Variants in TRAT1 observed in about 807,000 individuals in gnomAD.
The protein encoded by TRAT1 is T cell receptor associated transmembrane adaptor 1, also known as T-cell receptor-associated transmembrane adapter 1.
TRAT1 carries 20 observed loss-of-function variants against 20.0 expected under a neutral mutation model. That is an observed-to-expected ratio of 1.00 (90% CI 0.70 to 1.45). The LOEUF is 1.45. Ranked by LOEUF, TRAT1 falls within the 40% of genes most tolerant of loss-of-function variation. The pLI is 0.00. For synonymous variants in TRAT1, 77 were observed against 74.2 expected (o/e 1.04, Z -0.20); for missense variants, 237 against 224.1 (o/e 1.06, Z -0.37).
Position 108,841,754 on chromosome 3 carries a change from A to C in TRAT1, c.152+2787A>C, listed in dbSNP as rs1945898622. Among the ~76,000 whole-genome samples the C allele has an allele frequency of 2.6e-5, 4 of 152,168 alleles. 1 individual carries two copies. In the South Asian group the frequency reaches 8.3e-4, roughly 32 times the overall value. ...TAAGGAAACCATAGCACCTAAATCA[A>C]GCAGAAAATCAAATACACACTTTCT... is the stretch of plus-strand genomic sequence containing the variant. On this transcript the variant is annotated intron_variant, in intron 3 of 5. Coordinates refer to ENST00000295756, the MANE Select transcript of TRAT1 (RefSeq NM_016388.4).
intron 2 of TRAT1, among the ~76,000 whole-genome samples, chr3:108,835,945 A>T (rs1201224806): frequency 6.6e-6 from 1 of 150,812 alleles, no homozygotes; most frequent in African/African-American, 2.4e-5. Context: ...TTTTTGAGAA[A>T]GTCTTGCTCT....
intron 1 of TRAT1, among the ~76,000 whole-genome samples, chr3:108,823,663 A>G (rs1325654421): frequency 6.6e-6 from 1 of 152,158 alleles, no homozygotes; most frequent in Non-Finnish European, 1.5e-5. Flanking sequence ...TTTCCTTTCA[A>G]ATTTTATTTA....
chr3:108,848,561 T>C (rs545828553), intron 4 of TRAT1, among the ~76,000 whole-genome samples: 17 of 152,318 alleles, frequency 1.1e-4, no homozygotes, highest in African/African-American at 3.6e-4. Flanking sequence ...TGCTGGCTGC[T>C]GGACACTGTA....
chr3:108,825,150 T>TA (rs1945724661), intron 1 of TRAT1, among the ~76,000 whole-genome samples: 1 of 152,000 alleles, frequency 6.6e-6, no homozygotes, highest in Non-Finnish European at 1.5e-5. Context: ...ATAGGTAAAA[T>TA]AAAAAATAAA....
At chr3:108,840,594 A>C (rs897626849) in intron 3 of TRAT1, among the ~76,000 whole-genome samples, 1 of 152,124 alleles carries the variant, frequency 6.6e-6, no homozygotes, top group Non-Finnish European at 1.5e-5. Context: ...TTCACTCAAC[A>C]AACAGGCACT....
chr3:108,833,342 C>T (rs2107508518), intron 2 of TRAT1, among the ~76,000 whole-genome samples: 1 of 152,232 alleles, frequency 6.6e-6, no homozygotes, highest in African/African-American at 2.4e-5. Context: ...CGCTTAAACC[C>T]AGGAGGCAGA....
intron 2 of TRAT1, among the ~76,000 whole-genome samples, chr3:108,836,345 T>C (rs1945842156): frequency 6.6e-6 from 1 of 152,224 alleles, no homozygotes; most frequent in Non-Finnish European, 1.5e-5. Context: ...TTATTTTTAC[T>C]CCATACCTAC....
chr3:108,823,146 A>G (rs1314458917), intron 1 of TRAT1, among the ~76,000 whole-genome samples: 3 of 152,214 alleles, frequency 2.0e-5, no homozygotes, highest in Non-Finnish European at 4.4e-5. Context: ...GCATTTTAGA[A>G]CGTAAATCTA....
chr3:108,827,489 A>G (rs1157967178), intron 1 of TRAT1, among the ~76,000 whole-genome samples: 1 of 151,516 alleles, frequency 6.6e-6, no homozygotes, highest in Non-Finnish European at 1.5e-5. Flanking sequence ...TACCCTTCTC[A>G]TGTGTGTGCA....
intron 1 of TRAT1, among the ~76,000 whole-genome samples, chr3:108,829,257 A>G (rs1412364923): frequency 6.6e-6 from 1 of 152,040 alleles, no homozygotes; most frequent in African/African-American, 2.4e-5. Context: ...TATAATTGTC[A>G]CTGTACAATG....
chr3:108,850,556 G>A (rs898657886), intron 5 of TRAT1, among the ~76,000 whole-genome samples: 2 of 151,962 alleles, frequency 1.3e-5, no homozygotes, highest in Non-Finnish European at 2.9e-5. Context: ...CACCCACCTC[G>A]GCCTCCCAAA....
intron 3 of TRAT1, among the ~76,000 whole-genome samples, chr3:108,841,698 C>A (rs1032497906): frequency 2.6e-5 from 4 of 152,112 alleles, no homozygotes; most frequent in Non-Finnish European, 5.9e-5. Flanking sequence ...CCTGCCCTTC[C>A]TGCAACAGTA....
In TRAT1 at chr3:108,824,303, A is replaced by T. The variant is rs145349245; in HGVS notation, c.7+1369A>T. Among the ~76,000 whole-genome samples, 1,156 of 152,304 alleles carry T rather than the reference A, an allele frequency of 7.6e-3. 13 individuals carry two copies. Among genetic ancestry groups the T allele is most frequent in the African/African-American group, 0.026 (1,097 of 41,574 alleles). ...ATTATTAAGAGATTATGGCATTTTA[A>T]GTCTCATTATTGCCAAATTGCTTTT... On this transcript the variant is annotated intron_variant, in intron 1 of 5. Coordinates refer to ENST00000295756, the MANE Select transcript of TRAT1 (RefSeq NM_016388.4).
At chr3:108,823,586 T>C (rs926981850) in intron 1 of TRAT1, among the ~76,000 whole-genome samples, 4 of 152,228 alleles carry the variant, frequency 2.6e-5, no homozygotes, top group African/African-American at 7.2e-5. Context: ...GTGGGAGAAC[T>C]GTGAAATATA....
At position 108,854,175 on chromosome 3, in the gene TRAT1, C is replaced by A. The variant is rs569979005; in HGVS notation, c.*298C>A. 17 of 246,774 alleles carry A rather than the reference C, an allele frequency of 6.9e-5. No individual in the cohort carries two copies. In the East Asian group the frequency reaches 1.1e-3, roughly 16 times the overall value. 15.3% of individuals were successfully genotyped at this position (246,774 alleles called of 1,614,324 possible). On this transcript the variant is annotated 3_prime_UTR_variant, in exon 6 of 6. Transcript: ENST00000295756. ...AATAAGACCCAGCTTGAAAATTGAG[C>A]CTGATAACAAGATTACAAATTCACA... is the stretch of plus-strand genomic sequence containing the variant.
intron 3 of TRAT1, among the ~76,000 whole-genome samples, chr3:108,842,634 G>A (rs1190816697): frequency 6.6e-6 from 1 of 152,144 alleles, no homozygotes; most frequent in African/African-American, 2.4e-5. Flanking sequence ...GAGAATTTCG[G>A]GGTTCCCCAA....
intron 1 of TRAT1, 110 bp downstream of exon 1, chr3:108,823,044 T>C (rs758764000): frequency 1.2e-4 from 111 of 953,760 alleles, no homozygotes; most frequent in Non-Finnish European, 1.4e-4. Context: ...ATTTTAAAAA[T>C]GTTGGATAAC....
At chr3:108,853,397 T>C (rs976565065) in intron 5 of TRAT1, among the ~76,000 whole-genome samples, 1 of 152,190 alleles carries the variant, frequency 6.6e-6, no homozygotes, top group Non-Finnish European at 1.5e-5. Context: ...AATAAAAATC[T>C]AGGAAAAAGT....
At chr3:108,831,538 C>CTTT (rs779234270) in intron 2 of TRAT1, among the ~76,000 whole-genome samples, 4 of 132,164 alleles carry the variant, frequency 3.0e-5, no homozygotes, top group African/African-American at 8.4e-5. Context: ...TGGAAGGTAT[C>CTTT]TTTTTTTTTT....
Sources: gnomAD v4.1 joint callset for allele counts (sites outside exome capture counted in the v4.1 genomes callset) on GRCh38, gnomAD v4.1.1 for gene constraint, MANE v1.5 for transcripts, NCBI Gene and HGNC (gene_info 2026-07-23, HGNC 2026-07-21) for gene names.